Variants in SPOP observed in about 807,000 individuals in gnomAD.
The protein encoded by SPOP is speckle-type POZ protein.
SPOP carries 11 observed loss-of-function variants against 45.6 expected under a neutral mutation model. That is an observed-to-expected ratio of 0.24 (90% confidence interval 0.15 to 0.40). The LOEUF is 0.40. Among genes scored for constraint, SPOP ranks in the 10% least tolerant of loss-of-function variants. The probability of loss-of-function intolerance (pLI) is 1.00; values close to 1 mark genes in which losing one functional copy is unlikely to be tolerated. For missense variants in SPOP, 152 were observed against 465.6 expected, an observed-to-expected ratio of 0.33 and a Z score of 6.20; for synonymous variants, 166 against 166.3, an observed-to-expected ratio of 1.00 and a Z score of 0.01.
rs2072183282 is a variant in SPOP at position 49,619,931 on chromosome 17, G to A, written c.201-546C>T. Among the ~76,000 whole-genome samples the A allele has an allele frequency of 1.3e-5, 2 of 152,118 alleles. No individual in the cohort carries two copies. The highest frequency in any genetic ancestry group is 4.8e-5 in the African/African-American group (2 of 41,412). ...CTCAGCACTTTGGGAGGCCAAAGCG[G>A]GCGCATCACTTGAGGTCAGGACTTC... On this transcript the variant is annotated intron_variant, in intron 3 of 9. Coordinates refer to ENST00000504102, the MANE Select transcript of SPOP (RefSeq NM_001007228.2). This position sits in a 1 kb window ranked among gnomAD's most constrained non-coding sequence, Gnocchi z 4.9.
intron 1 of SPOP, among the ~76,000 whole-genome samples, chr17:49,640,333 A>T (rs2072623840): frequency 6.6e-6 from 1 of 152,182 alleles, no homozygotes; most frequent in African/African-American, 2.4e-5. Flanking sequence ...ATAATATATA[A>T]GTGTGAGTAC....
At chr17:49,666,966 G>C (rs979840076) in intron 1 of SPOP, among the ~76,000 whole-genome samples, 1 of 151,958 alleles carries the variant, frequency 6.6e-6, no homozygotes, top group African/African-American at 2.4e-5. Context: ...ATCACCTGAG[G>C]TCAGGAGTTC....
intron 2 of SPOP, 96 bp from the exon 3 acceptor site, chr17:49,622,163 C>T: frequency 6.8e-7 from 1 of 1,463,956 alleles, no homozygotes; most frequent in South Asian, 1.2e-5. Flanking sequence ...CCTCCCTCTG[C>T]ATGATCCTGA....
intron 1 of SPOP, among the ~76,000 whole-genome samples, chr17:49,657,583 G>A (rs978115142): frequency 6.6e-6 from 1 of 151,580 alleles, no homozygotes. Context: ...ATTTTTAATA[G>A]GGACGGGGTT....
At chr17:49,670,918 G>A (rs145591388) in intron 1 of SPOP, among the ~76,000 whole-genome samples, 3 of 152,134 alleles carry the variant, frequency 2.0e-5, no homozygotes, top group East Asian at 1.9e-4. Context: ...GTGTAGAGAT[G>A]AGGAAAAGGG....
In SPOP at chr17:49,645,747, A is replaced by C. The variant is rs939554377; in HGVS notation, c.-66-22871T>G. On this transcript the variant is annotated intron_variant, in intron 1 of 9. Transcript: ENST00000504102. The stretch of plus-strand genomic sequence containing the variant: ...TCAAATTTTAGTACCTGAAACTCAA[A>C]GACAGATTATAAAAAGAACACTTAA... Among the ~76,000 whole-genome samples the C allele has an allele frequency of 2.0e-5, 3 of 152,196 alleles. No homozygotes were observed. In the East Asian group the frequency reaches 5.8e-4, roughly 29 times the overall value.
chr17:49,657,980 C>T (rs575064681), intron 1 of SPOP, among the ~76,000 whole-genome samples: 5 of 152,206 alleles, frequency 3.3e-5, no homozygotes, highest in East Asian at 1.9e-4. Context: ...GGATTACAGG[C>T]ATGAGCCACT....
chr17:49,629,438 C>T (rs1468764892), intron 1 of SPOP, among the ~76,000 whole-genome samples: 1 of 152,134 alleles, frequency 6.6e-6, no homozygotes, highest in Non-Finnish European at 1.5e-5. Flanking sequence ...AAACTCCCAG[C>T]CCGGTACCTC....
chr17:49,608,867 G>GT (rs1191479304), intron 6 of SPOP, among the ~76,000 whole-genome samples: 1 of 151,950 alleles, frequency 6.6e-6, no homozygotes, highest in Non-Finnish European at 1.5e-5. Context: ...TTGGCCTATA[G>GT]TTTATGTCAG....
Position 49,640,429 on chromosome 17 carries a change from T to C in SPOP, c.-66-17553A>G, listed in dbSNP as rs73333375. On this transcript the variant is annotated intron_variant, in intron 1 of 9. Coordinates refer to ENST00000504102, the MANE Select transcript of SPOP (RefSeq NM_001007228.2). ...TAAAGCAGGGCCACCCAGGAATAAA[T>C]ACCTATAGGCAGGATTTTCTATTAC... Among the ~76,000 whole-genome samples, 445 of 152,114 alleles carry C rather than the reference T, an allele frequency of 2.9e-3. 3 individuals carry two copies. The highest frequency in any genetic ancestry group is 0.01 in the African/African-American group (434 of 41,512).
At chr17:49,627,097 C>T (rs963512865) in intron 1 of SPOP, among the ~76,000 whole-genome samples, 4 of 152,208 alleles carry the variant, frequency 2.6e-5, no homozygotes, top group Non-Finnish European at 5.9e-5. Context: ...GATTTGCCCA[C>T]CTTGGCCTCC....
At chr17:49,649,229 T>G (rs1393824680) in intron 1 of SPOP, among the ~76,000 whole-genome samples, 1 of 152,166 alleles carries the variant, frequency 6.6e-6, no homozygotes, top group East Asian at 1.9e-4. Context: ...GTTTTTGTTC[T>G]CTTTAATTGA....
At chr17:49,637,935 C>A (rs1384800002) in intron 1 of SPOP, among the ~76,000 whole-genome samples, 1 of 152,186 alleles carries the variant, frequency 6.6e-6, no homozygotes, top group Non-Finnish European at 1.5e-5. Flanking sequence ...TGGCTACTCA[C>A]AGGACTGATC....
intron 5 of SPOP, chr17:49,612,906 A>ATT (rs2072004718): frequency 6.6e-6 from 1 of 152,224 alleles, no homozygotes; most frequent in Non-Finnish European, 1.5e-5. Flanking sequence ...ACGCAGTCAT[A>ATT]AGCCCAGAGG....
chr17:49,613,395 C>T (rs2072018109), intron 5 of SPOP, among the ~76,000 whole-genome samples: 1 of 152,124 alleles, frequency 6.6e-6, no homozygotes, highest in African/African-American at 2.4e-5. Context: ...GGGTTCCTAG[C>T]TTGAATTAAA....
rs2071701234 is a variant in SPOP, at chr17:49,599,515, TTTG to T, written c.*860_*862del. The T allele has an allele frequency of 2.2e-4, 42 of 192,704 alleles. No individual in the cohort carries two copies. The highest frequency in any genetic ancestry group is 7.8e-4 in the East Asian group (10 of 12,744). 11.9% of individuals were successfully genotyped at this position (192,704 alleles called of 1,614,324 possible). ...TGTTTTTGTTTTGTGTGTTTTTTTT[TTTG>T]TTTGTTTTTTAGAAAAAGGGGTGGG... On this transcript the variant is annotated 3_prime_UTR_variant, in exon 10 of 10. Coordinates refer to ENST00000504102, the MANE Select transcript of SPOP (RefSeq NM_001007228.2).
chr17:49,630,004 G>A (rs972706746), intron 1 of SPOP, among the ~76,000 whole-genome samples: 2 of 152,176 alleles, frequency 1.3e-5, no homozygotes, highest in Non-Finnish European at 2.9e-5. Flanking sequence ...AAGCTAGATG[G>A]CTGGGAACAG....
At chr17:49,673,490 A>G (rs2073163416) in intron 1 of SPOP, among the ~76,000 whole-genome samples, 2 of 152,126 alleles carry the variant, frequency 1.3e-5, no homozygotes, top group Admixed American at 6.5e-5. Context: ...TGGGTGACAG[A>G]GCAAGACTCT....
At chr17:49,624,327 G>A (rs199736015) in intron 1 of SPOP, among the ~76,000 whole-genome samples, 1,616 of 92,580 alleles carry the variant, frequency 0.017, 32 homozygotes, top group East Asian at 0.13. Flanking sequence ...ACACGCGCGC[G>A]CGCGCACACA....
Sources: allele counts gnomAD v4.1 joint callset (sites outside exome capture counted in the v4.1 genomes callset), GRCh38; gene constraint gnomAD v4.1.1; non-coding constraint Gnocchi (gnomAD v3.1); transcripts MANE v1.5; gene names NCBI Gene and HGNC (gene_info 2026-07-23, HGNC 2026-07-21).